ALDH3B1: variants seen among roughly 807,000 people sequenced by gnomAD.
ALDH3B1 encodes the protein aldehyde dehydrogenase 3 family member B1.
ALDH3B1 carries 37 observed loss-of-function variants against 46.2 expected under a neutral mutation model. The ratio of observed to expected loss-of-function variants is 0.80; its 90% CI spans 0.62 to 1.05. ALDH3B1 has a LOEUF of 1.05. Among genes scored for constraint, ALDH3B1 ranks in the 50% least tolerant of loss-of-function variants. The pLI, the probability that ALDH3B1 is intolerant of heterozygous loss-of-function variation, is 0.00. For synonymous variants in ALDH3B1, 283 were observed against 281.0 expected (o/e 1.01, Z -0.07); for missense variants, 603 against 665.5 (o/e 0.91, Z 1.03).
At chr11:68,010,267 C>T (rs891774751), upstream of ALDH3B1, 3 of 152,240 alleles carry the variant, frequency 2.0e-5, no homozygotes, top group Non-Finnish European at 2.9e-5. Context: ...GAGTCAGGCA[C>T]GAGGCTAGGG....
At chr11:68,024,089 C>T (rs554349137) in intron 8 of ALDH3B1, 1 of 152,348 alleles carries the variant, frequency 6.6e-6, no homozygotes, top group East Asian at 1.9e-4. Flanking sequence ...GCCAGGGTCC[C>T]ACCTTGCATT....
At position 68,018,602 on chromosome 11, in the gene ALDH3B1, G is replaced by T; in HGVS notation, c.238G>T (p.Ala80Ser). Residue 80 changes from alanine to serine, a missense_variant, in exon 3 of 10, where the codon GCC becomes TCC. By Grantham distance (99) the Ala-to-Ser change is moderately conservative. Coordinates refer to ENST00000342456, the MANE Select transcript of ALDH3B1 (RefSeq NM_000694.4). ...EVTLALRNLR[A>S]WMKDERVPKN... ...CACCCTGGCCCTCAGGAACCTCCGG[G>T]CCTGGATGAAGGACGAGCGTGTGCC... 1 of 1,582,314 alleles carries T rather than the reference G, an allele frequency of 6.3e-7. No individual in the cohort carries two copies. Among genetic ancestry groups the T allele is most frequent in the Middle Eastern group, 1.7e-4 (1 of 6,020 alleles).
chr11:68,015,595 C>T (rs1857335555), intron 2 of ALDH3B1, 136 bp downstream of exon 2: 4 of 1,086,268 alleles, frequency 3.7e-6, no homozygotes, highest in Non-Finnish European at 5.5e-6. Flanking sequence ...AGGCCAGAGC[C>T]ACCCTTGCAC....
rs369754167 is a variant in ALDH3B1 at position 68,027,858 on chromosome 11, C to T, written c.1326C>T (p.Arg442=). ...SPGMEKLNAL[R]YPPQSPRRLR... is the part of the protein sequence containing the mutation. ...GGATGGAGAAGCTCAACGCCCTCCG[C>T]TACCCGCCGCAATCGCCGCGCCGCC... Residue 442 remains arginine, a synonymous_variant, in exon 10 of 10, where the codon CGC becomes CGT. Coordinates refer to ENST00000342456, the MANE Select transcript of ALDH3B1 (RefSeq NM_000694.4). 1.2e-5 allele frequency: 18 copies of T among 1,550,640 alleles called. 1 individual carries two copies. In the African/African-American group the frequency reaches 1.9e-4, roughly 16 times the overall value.
intron 8 of ALDH3B1, among the ~76,000 whole-genome samples, 190 bp downstream of exon 8, chr11:68,022,951 C>T (rs1339711370): frequency 1.3e-5 from 2 of 152,214 alleles, no homozygotes; most frequent in East Asian, 1.9e-4. Context: ...AGTCTGGGCC[C>T]CACTCTCCTA....
intron 6 of ALDH3B1, among the ~76,000 whole-genome samples, chr11:68,020,661 C>T (rs1047294755): frequency 4.6e-5 from 7 of 152,212 alleles, no homozygotes; most frequent in African/African-American, 1.7e-4. Context: ...CTGGCCGCCT[C>T]CCAGCAAAGG....
chr11:68,026,382 C>T (rs139932687), intron 9 of ALDH3B1, among the ~76,000 whole-genome samples: 5 of 152,268 alleles, frequency 3.3e-5, no homozygotes, highest in African/African-American at 7.2e-5. Flanking sequence ...TTTAAAAATA[C>T]CACACAACTA....
chr11:68,008,944 C>T (rs571719186), upstream of ALDH3B1, among the ~76,000 whole-genome samples: 1 of 151,864 alleles, frequency 6.6e-6, no homozygotes, highest in Non-Finnish European at 1.5e-5. Context: ...GTATCCGGGG[C>T]GGGCTGGGGG....
At chr11:68,020,205 G>C (rs1181323253) in intron 6 of ALDH3B1, among the ~76,000 whole-genome samples, 1 of 152,142 alleles carries the variant, frequency 6.6e-6, no homozygotes, top group Non-Finnish European at 1.5e-5. Flanking sequence ...CAAGCCCTTG[G>C]AGAAATCCAC....
In ALDH3B1 at chr11:68,019,259, A is replaced by AG; in HGVS notation, c.480+5dup. 5.0e-6 allele frequency: 8 copies of AG among 1,612,096 alleles called. No individual in the cohort carries two copies. Among genetic ancestry groups the AG allele is most frequent in the Non-Finnish European group, 6.8e-6 (8 of 1,179,156 alleles). On this transcript the variant is annotated splice_donor_region_variant and intron_variant, in intron 5 of 9. Transcript: ENST00000342456. ...GCTGCCCCAATACGTGGACCAGGTG[A>AG]GCAGGGCTGCCGGGCAGGTAGAGCG...
intron 9 of ALDH3B1, 58 bp from the exon 10 acceptor site, chr11:68,027,691 T>C (rs1379059155): frequency 1.3e-6 from 2 of 1,517,626 alleles, no homozygotes; most frequent in Non-Finnish European, 1.8e-6. Flanking sequence ...TAGGCCCCAC[T>C]GTCTGTGACT....
At chr11:68,023,448 C>T (rs1295959800) in intron 8 of ALDH3B1, among the ~76,000 whole-genome samples, 1 of 151,752 alleles carries the variant, frequency 6.6e-6, no homozygotes, top group Non-Finnish European at 1.5e-5. Flanking sequence ...GGATTACAGG[C>T]GTGTGCCACT....
At position 68,028,040 on chromosome 11, in the gene ALDH3B1, C is replaced by A; in HGVS notation, c.*101C>A. 1 of 1,478,798 alleles carries A rather than the reference C, an allele frequency of 6.8e-7. No individual in the cohort carries two copies. Among genetic ancestry groups the A allele is most frequent in the Non-Finnish European group, 9.3e-7 (1 of 1,072,850 alleles). The allele number at this position is 1,478,798 out of a possible 1,614,324, so 91.6% of individuals were successfully genotyped here. A position where few individuals can be genotyped will look rare whatever the true frequency, so the allele number is the denominator to read the frequency against. ...CCGGGCCCGAGGAGGAAAAGGATTGCCAAGGCTCCAGGGCACCCCTCAAAG... is the reference window on the plus strand; with the variant it reads ...CCGGGCCCGAGGAGGAAAAGGATTGACAAGGCTCCAGGGCACCCCTCAAAG... On this transcript the variant is annotated 3_prime_UTR_variant, in exon 10 of 10. Coordinates refer to ENST00000342456, the MANE Select transcript of ALDH3B1 (RefSeq NM_000694.4).
At chr11:68,018,280 C>T (rs1489344041) in intron 2 of ALDH3B1, 3 of 536,850 alleles carry the variant, frequency 5.6e-6, no homozygotes, top group African/African-American at 3.8e-5. Context: ...CTAATGGAGC[C>T]GTCAGCGTTC....
chr11:68,027,147 C>T (rs1391933331), intron 9 of ALDH3B1, among the ~76,000 whole-genome samples: 3 of 152,162 alleles, frequency 2.0e-5, no homozygotes, highest in Non-Finnish European at 4.4e-5. Context: ...GCATGGCACC[C>T]ACCTCTAAGG....
At chr11:68,012,285 G>A (rs1341234073) in intron 1 of ALDH3B1, among the ~76,000 whole-genome samples, 1 of 152,194 alleles carries the variant, frequency 6.6e-6, no homozygotes, top group Non-Finnish European at 1.5e-5. Context: ...GGAGCCTGTG[G>A]GCACCCACAG....
intron 7 of ALDH3B1, 80 bp downstream of exon 7, chr11:68,021,951 C>A (rs767284658): frequency 7.9e-6 from 12 of 1,516,584 alleles, no homozygotes; most frequent in African/African-American, 1.4e-5. Flanking sequence ...GGCCACAACT[C>A]TGGACCCGCG....
chr11:68,027,271 G>A (rs1209890310), intron 9 of ALDH3B1, among the ~76,000 whole-genome samples: 1 of 152,128 alleles, frequency 6.6e-6, no homozygotes, highest in African/African-American at 2.4e-5. Context: ...CTCCACCCAG[G>A]CTGTGCTCTG....
chr11:68,009,194 G>A (rs7113328), upstream of ALDH3B1, among the ~76,000 whole-genome samples: 2,001 of 152,274 alleles, frequency 0.013, 35 homozygotes, highest in Middle Eastern at 0.037. Context: ...CCACTTCCTC[G>A]TTTGTAAAAT....
Sources: allele counts gnomAD v4.1 joint callset (sites outside exome capture counted in the v4.1 genomes callset), GRCh38; gene constraint gnomAD v4.1.1; transcripts MANE v1.5; gene names NCBI Gene and HGNC (gene_info 2026-07-23, HGNC 2026-07-21).